GDAP1: variants seen among roughly 807,000 people sequenced by gnomAD.
GDAP1 encodes the protein ganglioside-induced differentiation-associated protein 1.
In GDAP1, 34 loss-of-function variants were observed where a neutral mutation model predicts 40.1. The observed-to-expected ratio is 0.85, with a 90% CI of 0.64 to 1.13. GDAP1 has a LOEUF of 1.13. Among genes scored for constraint, GDAP1 ranks in the 50% most tolerant of loss-of-function variants. The pLI, the probability that GDAP1 is intolerant of heterozygous loss-of-function variation, is 0.00. For synonymous variants in GDAP1, 170 were observed against 157.4 expected, an observed-to-expected ratio of 1.08 and a Z score of -0.60; for missense variants, 374 against 433.7, an observed-to-expected ratio of 0.86 and a Z score of 1.22.
chr8:74,478,406 G>T (rs973768394), intron 2 of GDAP1, among the ~76,000 whole-genome samples: 2 of 152,160 alleles, frequency 1.3e-5, no homozygotes, highest in African/African-American at 4.8e-5. Context: ...GCTGGTGTGT[G>T]TCTATGGGGG....
In GDAP1 at chr8:74,471,655, C is replaced by T. The variant is rs1806558249; in HGVS notation, c.166-17023C>T. 2.0e-5 allele frequency among the ~76,000 whole-genome samples: 3 copies of T among 152,140 alleles called. No individual in the cohort carries two copies. The South Asian group carries it at 6.2e-4, about 32-fold the overall frequency. ...TCAGGATGACATTTAATTTTCATTA[C>T]CCTGTTGTAATCCATCCTTTCTCCA... On this transcript the variant is annotated intron_variant, in intron 2 of 2. Coordinates refer to the GDAP1 transcript ENST00000523640.
intron 2 of GDAP1, among the ~76,000 whole-genome samples, chr8:74,401,604 G>A (rs921078340): frequency 1.5e-4 from 19 of 128,214 alleles, no homozygotes; most frequent in South Asian, 2.6e-4. Flanking sequence ...GAGGAAATGC[G>A]TTCCTTTGGA....
chr8:74,388,297 C>G (rs1188832404), intron 2 of GDAP1, among the ~76,000 whole-genome samples: 3 of 152,282 alleles, frequency 2.0e-5, no homozygotes, highest in East Asian at 3.9e-4. Context: ...ATCTTTCCCA[C>G]TATCTAATGT....
intron 2 of GDAP1, among the ~76,000 whole-genome samples, chr8:74,439,034 A>ATGTG (rs1169078229): frequency 7.9e-6 from 1 of 125,818 alleles, no homozygotes; most frequent in African/African-American, 3.0e-5. Flanking sequence ...ATGTGTATAT[A>ATGTG]TATGTGTGTG....
intron 2 of GDAP1, among the ~76,000 whole-genome samples, chr8:74,358,479 G>A (rs1337535900): frequency 1.3e-5 from 2 of 152,174 alleles, no homozygotes; most frequent in African/African-American, 4.8e-5. Flanking sequence ...ATACCAGAGA[G>A]CATTTGTTTA....
chr8:74,431,431 A>G (rs9643688), intron 2 of GDAP1, among the ~76,000 whole-genome samples: 150,982 of 152,284 alleles, frequency 0.99, 74,864 homozygotes, highest in Middle Eastern at 1. Flanking sequence ...GGCATTCATT[A>G]TACTAGTTTG....
intron 2 of GDAP1, among the ~76,000 whole-genome samples, chr8:74,455,331 G>A (rs1265104464): frequency 3.4e-4 from 51 of 151,832 alleles, no homozygotes; most frequent in Admixed American, 3.3e-3. Context: ...AAAAGGGAAT[G>A]TACATCAAAA....
intron 2 of GDAP1, among the ~76,000 whole-genome samples, chr8:74,463,331 A>C (rs1214059278): frequency 1.3e-5 from 2 of 150,112 alleles, no homozygotes; most frequent in Admixed American, 6.6e-5. Context: ...GGTATTGTGC[A>C]CTTGTGGTCC....
At chr8:74,462,749 A>C (rs1050351757) in intron 2 of GDAP1, among the ~76,000 whole-genome samples, 5 of 152,152 alleles carry the variant, frequency 3.3e-5, no homozygotes, top group Non-Finnish European at 4.4e-5. Context: ...GTAAAACAAA[A>C]ATTGGGAATG....
chr8:74,406,587 T>C (rs1805645041), intron 2 of GDAP1, among the ~76,000 whole-genome samples: 1 of 150,276 alleles, frequency 6.7e-6, no homozygotes, highest in South Asian at 2.1e-4. Context: ...CTGGGTACAA[T>C]TTTAAGGTCA....
At chr8:74,393,369 G>A (rs888233419) in intron 2 of GDAP1, among the ~76,000 whole-genome samples, 1 of 152,132 alleles carries the variant, frequency 6.6e-6, no homozygotes, top group Non-Finnish European at 1.5e-5. Flanking sequence ...TTTGCTGGGT[G>A]AGCTCAGTAA....
downstream of GDAP1, among the ~76,000 whole-genome samples, chr8:74,369,466 T>C (rs181494606): frequency 1.2e-3 from 187 of 152,172 alleles, 1 homozygote; most frequent in Admixed American, 6.3e-3. Context: ...ATTACATAAG[T>C]GAAAAATTCA....
At chr8:74,376,948 G>T (rs4738453) in intron 2 of GDAP1, among the ~76,000 whole-genome samples, 28,493 of 152,006 alleles carry the variant, frequency 0.19, 2,940 homozygotes, top group Admixed American at 0.31. Flanking sequence ...GGTCGATTCT[G>T]TTTTATTGGG....
intron 2 of GDAP1, among the ~76,000 whole-genome samples, chr8:74,416,170 C>T (rs779491041): frequency 6.7e-6 from 1 of 150,006 alleles, no homozygotes; most frequent in Non-Finnish European, 1.5e-5. Flanking sequence ...ACTGGGACTA[C>T]TTATTGTGCC....
At chr8:74,400,071 T>C (rs373460608) in intron 2 of GDAP1, among the ~76,000 whole-genome samples, 2 of 147,878 alleles carry the variant, frequency 1.4e-5, no homozygotes, top group Non-Finnish European at 1.5e-5. Context: ...TAGGTCCGCT[T>C]GGTGCAGAGC....
intron 2 of GDAP1, among the ~76,000 whole-genome samples, chr8:74,355,141 T>C (rs1809038913): frequency 6.6e-6 from 1 of 152,196 alleles, no homozygotes; most frequent in South Asian, 2.1e-4. Context: ...TAGCCTGAAA[T>C]AGTGAATATC....
chr8:74,421,164 A>C (rs1229670238), intron 2 of GDAP1, among the ~76,000 whole-genome samples: 1 of 152,182 alleles, frequency 6.6e-6, no homozygotes, highest in Non-Finnish European at 1.5e-5. Context: ...AGAAACATTG[A>C]CCAAGCTTCT....
At chr8:74,430,559 A>C (rs1204593531) in intron 2 of GDAP1, among the ~76,000 whole-genome samples, 1 of 152,212 alleles carries the variant, frequency 6.6e-6, no homozygotes, top group Non-Finnish European at 1.5e-5. Context: ...GGTAGGGTGC[A>C]CATATATACA....
rs76492361 is a variant in GDAP1, at chr8:74,395,949, C to T, written c.165+44628C>T. Among the ~76,000 whole-genome samples, 165 of 152,174 alleles carry T rather than the reference C, an allele frequency of 1.1e-3. 1 individual carries two copies. The highest frequency in any genetic ancestry group is 3.4e-3 in the Middle Eastern group (1 of 294). On this transcript the variant is annotated intron_variant, in intron 2 of 2. Transcript: ENST00000523640. The stretch of plus-strand genomic sequence containing the variant: ...CTAGTGGTAACAACATATTAACGTA[C>T]GGTGAAGTTAAAAAGGAAAACAGAG...
Sources: allele counts gnomAD v4.1 joint callset (sites outside exome capture counted in the v4.1 genomes callset), GRCh38; gene constraint gnomAD v4.1.1; transcripts MANE v1.5; gene names NCBI Gene and HGNC (gene_info 2026-07-23, HGNC 2026-07-21).